The following DIAPH3 variants were observed in gnomAD, a reference collection of about 807,000 sequenced individuals.
DIAPH3 encodes the protein protein diaphanous homolog 3.
DIAPH3 carries 117 observed loss-of-function variants against 144.3 expected under a neutral mutation model. The observed-to-expected ratio is 0.81, with a 90% confidence interval of 0.70 to 0.95. DIAPH3 has a LOEUF of 0.95. Ranked by LOEUF, DIAPH3 falls within the 40% of genes least tolerant of loss-of-function variation. DIAPH3 has a pLI of 0.00. For missense variants in DIAPH3, 1,421 were observed against 1,412.7 expected, an observed-to-expected ratio of 1.01 and a Z score of -0.09; for synonymous variants, 519 against 488.9, an observed-to-expected ratio of 1.06 and a Z score of -0.81.
At chr13:60,085,800 A>G (rs2057726619) in intron 4 of DIAPH3, among the ~76,000 whole-genome samples, 1 of 152,108 alleles carries the variant, frequency 6.6e-6, no homozygotes, top group Non-Finnish European at 1.5e-5. Flanking sequence ...GGCACTTTCA[A>G]ACTTATCACT....
chr13:60,044,361 G>A (rs754085091), intron 4 of DIAPH3: 18 of 152,022 alleles, frequency 1.2e-4, no homozygotes, highest in Non-Finnish European at 1.8e-4. Flanking sequence ...CTGTAAAGAC[G>A]GGTTATTTTT....
rs1291332872 is a variant in DIAPH3 at position 60,016,612 on chromosome 13, T to C, written c.627-467A>G. Among the ~76,000 whole-genome samples the C allele has an allele frequency of 2.0e-5, 3 of 151,942 alleles. No homozygotes were observed. In the East Asian group the frequency reaches 5.8e-4, roughly 29 times the overall value. On this transcript the variant is annotated intron_variant, in intron 5 of 27. Transcript: ENST00000400324. ...AAGATCTATGGAGGAAAGATGTAGA[T>C]CAACATAAAGAAAAAGATTACTGGC...
chr13:59,979,378 C>A (rs549375287), intron 14 of DIAPH3, among the ~76,000 whole-genome samples: 1 of 151,658 alleles, frequency 6.6e-6, no homozygotes, highest in African/African-American at 2.4e-5. Flanking sequence ...AAGTGCTTAT[C>A]CAGCTTAGAA....
intron 27 of DIAPH3, among the ~76,000 whole-genome samples, chr13:59,754,561 A>G (rs1216147879): frequency 6.6e-6 from 1 of 152,216 alleles, no homozygotes; most frequent in Non-Finnish European, 1.5e-5. Flanking sequence ...CTTAATAGCT[A>G]TAATGATCTG....
At chr13:59,716,086 T>C (rs1162012363) in intron 27 of DIAPH3, among the ~76,000 whole-genome samples, 1 of 152,228 alleles carries the variant, frequency 6.6e-6, no homozygotes, top group African/African-American at 2.4e-5. Context: ...GCTCATCTTT[T>C]GATGACTATT....
chr13:60,071,403 C>A (rs950422203), intron 4 of DIAPH3, among the ~76,000 whole-genome samples: 1 of 152,154 alleles, frequency 6.6e-6, no homozygotes, highest in African/African-American at 2.4e-5. Context: ...AACAGAATAG[C>A]TTCATATTTA....
At chr13:59,675,645 T>G (rs1440809809) in intron 27 of DIAPH3, among the ~76,000 whole-genome samples, 1 of 152,172 alleles carries the variant, frequency 6.6e-6, no homozygotes, top group Non-Finnish European at 1.5e-5. Context: ...TGGTCTATTT[T>G]AAAATTTTTA....
intron 20 of DIAPH3, among the ~76,000 whole-genome samples, chr13:59,897,490 C>T (rs2046176147): frequency 6.6e-6 from 1 of 151,890 alleles, no homozygotes; most frequent in South Asian, 2.1e-4. Flanking sequence ...TGGCTCACGC[C>T]TGTAATCCCA....
intron 17 of DIAPH3, among the ~76,000 whole-genome samples, chr13:59,931,364 G>C (rs1220238959): frequency 1.3e-5 from 2 of 152,124 alleles, no homozygotes; most frequent in African/African-American, 2.4e-5. Context: ...CTCCACTACA[G>C]TGCAGCAAAT....
At chr13:59,768,213 T>C (rs1484792966) in intron 27 of DIAPH3, among the ~76,000 whole-genome samples, 1 of 152,156 alleles carries the variant, frequency 6.6e-6, no homozygotes, top group Admixed American at 6.6e-5. Flanking sequence ...CAAAAACCAT[T>C]AGTATTTTAA....
intron 27 of DIAPH3, among the ~76,000 whole-genome samples, chr13:59,716,493 AAAAG>A (rs973179860): frequency 6.6e-6 from 1 of 152,196 alleles, no homozygotes; most frequent in African/African-American, 2.4e-5. Context: ...CATTTTTAAA[AAAAG>A]AGATAACAAA....
intron 25 of DIAPH3, among the ~76,000 whole-genome samples, chr13:59,783,099 T>C (rs1248272605): frequency 6.6e-6 from 1 of 151,948 alleles, no homozygotes; most frequent in Non-Finnish European, 1.5e-5. Context: ...GAGAAAAGAC[T>C]AAAGGCAAAA....
At chr13:59,924,145 C>T (rs750108638) in intron 18 of DIAPH3, among the ~76,000 whole-genome samples, 16 of 152,268 alleles carry the variant, frequency 1.1e-4, no homozygotes, top group African/African-American at 3.6e-4. Flanking sequence ...ACCTTTGATG[C>T]ATTTAGAGTA....
intron 4 of DIAPH3, among the ~76,000 whole-genome samples, chr13:60,092,545 G>A (rs1370197500): frequency 6.6e-6 from 1 of 152,136 alleles, no homozygotes; most frequent in Non-Finnish European, 1.5e-5. Context: ...CAGCTACTCC[G>A]GAGGCTGAGA....
intron 4 of DIAPH3, among the ~76,000 whole-genome samples, chr13:60,065,401 A>T (rs1223970865): frequency 6.6e-6 from 1 of 152,072 alleles, no homozygotes; most frequent in African/African-American, 2.4e-5. Flanking sequence ...ATCTGATCTT[A>T]TGTTGCACTT....
At chr13:59,969,368 T>C (rs954642872) in intron 17 of DIAPH3, among the ~76,000 whole-genome samples, 2 of 152,208 alleles carry the variant, frequency 1.3e-5, no homozygotes, top group Non-Finnish European at 2.9e-5. Context: ...ATTAATTAAA[T>C]TATGTGATAG....
chr13:60,087,348 A>G (rs1303697805), intron 4 of DIAPH3, among the ~76,000 whole-genome samples: 2 of 152,186 alleles, frequency 1.3e-5, no homozygotes, highest in Non-Finnish European at 1.5e-5. Context: ...TTGAGAACAT[A>G]ATGGCCTATT....
intron 15 of DIAPH3, among the ~76,000 whole-genome samples, chr13:59,973,456 T>C (rs2050501418): frequency 6.6e-6 from 1 of 152,048 alleles, no homozygotes; most frequent in Admixed American, 6.6e-5. Context: ...AATGTGATAC[T>C]TCCCTCTTGC....
intron 3 of DIAPH3, among the ~76,000 whole-genome samples, chr13:60,099,018 C>G (rs902178976): frequency 6.6e-6 from 1 of 152,268 alleles, no homozygotes; most frequent in African/African-American, 2.4e-5. Flanking sequence ...ATATCACACT[C>G]AAAAACATCA....
Sources: allele counts gnomAD v4.1 joint callset (sites outside exome capture counted in the v4.1 genomes callset), GRCh38; gene constraint gnomAD v4.1.1; transcripts MANE v1.5; gene names NCBI Gene and HGNC (gene_info 2026-07-23, HGNC 2026-07-21).